The following CSMD1 variants were observed in gnomAD, a reference collection of about 807,000 sequenced individuals.
CSMD1 encodes CUB and Sushi multiple domains 1.
CSMD1 carries 213 observed loss-of-function variants against 417.5 expected under a neutral mutation model. The observed-to-expected ratio is 0.51, with a 90% CI of 0.46 to 0.57. The LOEUF is 0.57. Among genes scored for constraint, CSMD1 ranks in the 20% least tolerant of loss-of-function variants. CSMD1 has a pLI of 0.00. For missense variants in CSMD1, 6,923 were observed against 4,529.7 expected, an observed-to-expected ratio of 1.53 and a Z score of -15.17; for synonymous variants, 2,862 against 1,736.8, an observed-to-expected ratio of 1.65 and a Z score of -16.11.
In CSMD1 at chr8:3,586,863, G is replaced by A. The variant is rs186628325; in HGVS notation, c.1098-603C>T. ...CACCCAGGCTGGAGTGCAGTGGCAC[G>A]ACCTTGGCTCACTGCAACCTCCGCC... is the stretch of plus-strand genomic sequence containing the variant. On this transcript the variant is annotated intron_variant, in intron 8 of 69. Coordinates refer to ENST00000635120, the MANE Select transcript of CSMD1 (RefSeq NM_033225.6). Among the ~76,000 whole-genome samples, 378 of 152,272 alleles carry A rather than the reference G, an allele frequency of 2.5e-3. 2 individuals are homozygous for A. The highest frequency in any genetic ancestry group is 8.8e-3 in the African/African-American group (365 of 41,578).
At chr8:4,803,589 T>C (rs765348593) in intron 1 of CSMD1, among the ~76,000 whole-genome samples, 38 of 152,216 alleles carry the variant, frequency 2.5e-4, no homozygotes, top group Non-Finnish European at 4.7e-4. Context: ...AGGATTCTAC[T>C]ATTGTTTTGT....
intron 5 of CSMD1, among the ~76,000 whole-genome samples, chr8:3,844,169 A>T (rs982226826): frequency 6.6e-6 from 1 of 152,208 alleles, no homozygotes; most frequent in Non-Finnish European, 1.5e-5. Flanking sequence ...GCATTAACTT[A>T]GAAAGGCTTA....
intron 23 of CSMD1, among the ~76,000 whole-genome samples, chr8:3,311,989 T>A (rs985307200): frequency 2.0e-5 from 3 of 152,214 alleles, no homozygotes; most frequent in African/African-American, 7.2e-5. Flanking sequence ...AACAAAGTTC[T>A]AAAATCCAAA....
At chr8:3,185,872 G>A (rs1056753515) in intron 36 of CSMD1, among the ~76,000 whole-genome samples, 7 of 152,140 alleles carry the variant, frequency 4.6e-5, no homozygotes, top group Non-Finnish European at 1.5e-5. Context: ...TTAAAAATGA[G>A]CAACACAATT....
intron 3 of CSMD1, among the ~76,000 whole-genome samples, chr8:4,217,222 T>G (rs1205372539): frequency 3.3e-5 from 5 of 152,224 alleles, no homozygotes; most frequent in African/African-American, 1.2e-4. Flanking sequence ...ATTACTCTTC[T>G]TGATATAAAA....
intron 3 of CSMD1, among the ~76,000 whole-genome samples, chr8:4,366,468 A>G (rs1802078957): frequency 6.6e-6 from 1 of 152,216 alleles, no homozygotes; most frequent in Non-Finnish European, 1.5e-5. Flanking sequence ...TGGTTTAAAT[A>G]GTAGTCCTGT....
At chr8:4,324,369 G>A (rs997475537) in intron 3 of CSMD1, among the ~76,000 whole-genome samples, 7 of 152,176 alleles carry the variant, frequency 4.6e-5, no homozygotes, top group African/African-American at 1.7e-4. Context: ...TCCATGGATG[G>A]GACACCAGAG....
chr8:3,482,579 T>G (rs77710647), intron 11 of CSMD1, among the ~76,000 whole-genome samples: 3,351 of 152,264 alleles, frequency 0.022, 102 homozygotes, highest in East Asian at 0.13. Flanking sequence ...GTTGAAAACT[T>G]TAGCACCCTT....
chr8:3,777,616 C>A (rs1798961736), intron 5 of CSMD1, among the ~76,000 whole-genome samples: 1 of 152,194 alleles, frequency 6.6e-6, no homozygotes, highest in South Asian at 2.1e-4. Context: ...GATGCCTCCC[C>A]CACCAGCATC....
At chr8:3,571,275 G>A (rs988340779) in intron 10 of CSMD1, among the ~76,000 whole-genome samples, 2 of 152,170 alleles carry the variant, frequency 1.3e-5, no homozygotes, top group Non-Finnish European at 2.9e-5. Context: ...TTCTAAATGT[G>A]CCTCTGCCCA....
intron 7 of CSMD1, among the ~76,000 whole-genome samples, chr8:3,642,369 G>A (rs543851215): frequency 3.1e-4 from 47 of 152,142 alleles, no homozygotes; most frequent in South Asian, 2.1e-4. Context: ...TCACCGCAAA[G>A]AATTTATAAC....
At chr8:3,467,825 G>A (rs889173924) in intron 12 of CSMD1, among the ~76,000 whole-genome samples, 3 of 152,046 alleles carry the variant, frequency 2.0e-5, no homozygotes, top group East Asian at 3.9e-4. Flanking sequence ...TGATTTCATG[G>A]GTAATAACTT....
chr8:4,195,650 C>A (rs551636459), intron 3 of CSMD1, among the ~76,000 whole-genome samples: 1 of 152,238 alleles, frequency 6.6e-6, no homozygotes, highest in East Asian at 1.9e-4. Context: ...TATCGATGCT[C>A]CTTCTAGGCA....
Position 3,944,665 on chromosome 8 carries a change from T to C in CSMD1, c.818+53238A>G, listed in dbSNP as rs114284886. Among the ~76,000 whole-genome samples, 215 of 152,268 alleles carry C rather than the reference T, an allele frequency of 1.4e-3. 1 individual carries two copies. The highest frequency in any genetic ancestry group is 5.1e-3 in the African/African-American group (211 of 41,578). On this transcript the variant is annotated intron_variant, in intron 5 of 69. Coordinates refer to ENST00000635120, the MANE Select transcript of CSMD1 (RefSeq NM_033225.6). Reference sequence around the variant, plus strand: ...AACTGGTGGATTCATTTTTGGGGAATGGTGGGAAATAAAAAGATCTATGTT... The same window carrying C: ...AACTGGTGGATTCATTTTTGGGGAACGGTGGGAAATAAAAAGATCTATGTT...
chr8:3,286,514 C>G (rs1386168612), intron 25 of CSMD1, among the ~76,000 whole-genome samples: 2 of 152,098 alleles, frequency 1.3e-5, no homozygotes, highest in African/African-American at 2.4e-5. Context: ...TTAATGATCG[C>G]CATTCTAACT....
intron 18 of CSMD1, among the ~76,000 whole-genome samples, chr8:3,370,699 G>A (rs1809890482): frequency 6.6e-6 from 1 of 152,230 alleles, no homozygotes; most frequent in Non-Finnish European, 1.5e-5. Context: ...AAAAGGCTGG[G>A]CACGGTAGCT....
chr8:4,053,415 C>G (rs1051139546), intron 3 of CSMD1, among the ~76,000 whole-genome samples: 2 of 151,294 alleles, frequency 1.3e-5, no homozygotes, highest in Non-Finnish European at 2.9e-5. Context: ...GTGAATAGCT[C>G]CCACCACCTG....
intron 3 of CSMD1, among the ~76,000 whole-genome samples, chr8:4,250,357 T>C (rs1361362659): frequency 6.6e-6 from 1 of 152,180 alleles, no homozygotes; most frequent in Admixed American, 6.5e-5. Flanking sequence ...GTGTGTCCCC[T>C]AATGTGACTC....
chr8:3,544,035 C>A (rs1798552773), intron 10 of CSMD1, among the ~76,000 whole-genome samples: 1 of 152,096 alleles, frequency 6.6e-6, no homozygotes, highest in African/African-American at 2.4e-5. Context: ...CAGTCTTCCA[C>A]AGGTGAAGTG....
Sources: gnomAD v4.1 joint callset for allele counts (sites outside exome capture counted in the v4.1 genomes callset) on GRCh38, gnomAD v4.1.1 for gene constraint, MANE v1.5 for transcripts, NCBI Gene and HGNC (gene_info 2026-07-23, HGNC 2026-07-21) for gene names.